Variants in BRAF observed in about 807,000 individuals in gnomAD.
BRAF encodes the protein serine/threonine-protein kinase B-raf.
BRAF carries 16 observed loss-of-function variants against 104.6 expected under a neutral mutation model. The observed-to-expected ratio is 0.15, with a 90% CI of 0.10 to 0.23. The LOEUF is 0.23. BRAF is among the 10% of genes least tolerant of loss of function. The pLI is 1.00. For missense variants in BRAF, 541 were observed against 937.3 expected (o/e 0.58, Z 5.52); for synonymous variants, 310 against 341.6 (o/e 0.91, Z 1.02).
At chr7:140,758,240 A>C (rs1798365090) in intron 14 of BRAF, 2 of 152,190 alleles carry the variant, frequency 1.3e-5, no homozygotes, top group Admixed American at 1.3e-4. Flanking sequence ...TGACAGTGCC[A>C]AATTACAGCC....
At chr7:140,831,196 A>T (rs1179699711) in intron 3 of BRAF, among the ~76,000 whole-genome samples, 1 of 152,176 alleles carries the variant, frequency 6.6e-6, no homozygotes, top group Non-Finnish European at 1.5e-5. Context: ...AGAACTGGAG[A>T]TTGCTTGGTG....
At chr7:140,764,602 T>G (rs576119496) in intron 14 of BRAF, among the ~76,000 whole-genome samples, 1 of 152,296 alleles carries the variant, frequency 6.6e-6, no homozygotes, top group Admixed American at 6.5e-5. Flanking sequence ...CAGCAAAGTC[T>G]TGGGATACAA....
chr7:140,906,045 G>A (rs1426743482), intron 1 of BRAF, among the ~76,000 whole-genome samples: 4 of 118,154 alleles, frequency 3.4e-5, no homozygotes, highest in East Asian at 2.5e-4. Context: ...CCGAGATCCC[G>A]CCACTGCACT....
At chr7:140,728,549 TAA>T (rs1353955744) in intron 19 of BRAF, among the ~76,000 whole-genome samples, 11 of 140,654 alleles carry the variant, frequency 7.8e-5, no homozygotes, top group African/African-American at 7.8e-5. Flanking sequence ...AGCACTGATT[TAA>T]AAAAAAAAAA....
chr7:140,716,066 A>G (rs906126419), downstream of BRAF, among the ~76,000 whole-genome samples: 6 of 152,262 alleles, frequency 3.9e-5, no homozygotes, highest in Admixed American at 1.3e-4. Flanking sequence ...GTGTACACAT[A>G]TATCAAACCA....
chr7:140,800,311 AAGAAAGC>A, intron 7 of BRAF, 44 bp downstream of exon 7: 1 of 1,613,160 alleles, frequency 6.2e-7, no homozygotes, highest in Non-Finnish European at 8.5e-7. Context: ...GGAGATCCAA[AAGAAAGC>A]GGTTCAAGTA....
At chr7:140,886,911 G>T (rs1324174892) in intron 1 of BRAF, among the ~76,000 whole-genome samples, 1 of 152,036 alleles carries the variant, frequency 6.6e-6, no homozygotes, top group Non-Finnish European at 1.5e-5. Flanking sequence ...TATACTTTAG[G>T]ATGTTTAATC....
rs144025406 is a variant in BRAF at position 140,897,452 on chromosome 7, A to T, written c.138+27114T>A. 7.6e-3 allele frequency among the ~76,000 whole-genome samples: 1,131 copies of T among 148,128 alleles called. 23 individuals are homozygous for T. The highest frequency in any genetic ancestry group is 0.026 in the African/African-American group (1,078 of 41,114). On this transcript the variant is annotated intron_variant, in intron 1 of 19. Transcript: ENST00000644969. The stretch of plus-strand genomic sequence containing the variant: ...TTCAATTTATCAGAAGACAATATAG[A>T]GAATATGCTTTTAACTCTGGATAGG...
At chr7:140,808,350 CCAAA>C in intron 4 of BRAF, 3 of 205,712 alleles carry the variant, frequency 1.5e-5, no homozygotes, top group South Asian at 4.4e-5. Context: ...TTCCTGGGGT[CCAAA>C]AAAAAAAAAA....
Position 140,837,924 on chromosome 7 carries a change from G to A in BRAF, c.241-3052C>T, listed in dbSNP as rs540118461. Among the ~76,000 whole-genome samples the A allele has an allele frequency of 7.9e-5, 12 of 152,192 alleles. No homozygotes were observed. The South Asian group carries it at 2.3e-3, about 29-fold the overall frequency. On this transcript the variant is annotated intron_variant, in intron 2 of 19. Transcript: ENST00000644969. ...ATTCTTCTTCTACTCTCACTTCAGT[G>A]CTAATATTGGGTGTTTAGGGCCTTA...
intron 1 of BRAF, among the ~76,000 whole-genome samples, chr7:140,858,776 TAAC>T (rs1199430319): frequency 6.6e-6 from 1 of 152,102 alleles, no homozygotes; most frequent in African/African-American, 2.4e-5. Flanking sequence ...AGTAAAATGT[TAAC>T]AATCATTGAA....
chr7:140,725,771 T>G lies in BRAF; in HGVS notation c.*723A>C. 9.4e-7 allele frequency: 1 copy of G among 1,061,122 alleles called. No individual in the cohort carries two copies. Among genetic ancestry groups the G allele is most frequent in the Non-Finnish European group, 1.1e-6 (1 of 877,016 alleles). 65.7% of individuals were successfully genotyped at this position (1,061,122 alleles called of 1,614,324 possible). A position where few individuals can be genotyped will look rare whatever the true frequency, so the allele number is the denominator to read the frequency against. ...GAAAGAAGGCAATGTGTGCCAGCAC[T>G]ATCTAGCCTGCTTGGTTAGACAGAC... On this transcript the variant is annotated 3_prime_UTR_variant, in exon 20 of 20. Transcript: ENST00000644969.
At chr7:140,808,155 G>A (rs1480423841) in intron 4 of BRAF, 93 bp from the exon 5 acceptor site, 20 of 951,808 alleles carry the variant, frequency 2.1e-5, no homozygotes, top group Non-Finnish European at 3.2e-5. Context: ...TTATCGAGGG[G>A]CTAGTAACAG....
intron 1 of BRAF, among the ~76,000 whole-genome samples, chr7:140,861,700 T>C (rs2129083922): frequency 6.6e-6 from 1 of 152,340 alleles, no homozygotes; most frequent in East Asian, 1.9e-4. Flanking sequence ...GAGAAAAGTA[T>C]CAAAGTAAGA....
Position 140,924,816 on chromosome 7 carries a change from G to A in BRAF, c.-113C>T. ...GCGGAGGCGGAGGAGCGGGGGGCGCGGGGGGCGCGGGGAGGAGCGGCCCGG... is the reference window on the plus strand; with the variant it reads ...GCGGAGGCGGAGGAGCGGGGGGCGCAGGGGGCGCGGGGAGGAGCGGCCCGG... On this transcript the variant is annotated 5_prime_UTR_variant, in exon 1 of 20. Coordinates refer to ENST00000644969, the MANE Select transcript of BRAF (RefSeq NM_001374258.1). The surrounding 1 kb of genome is among the most constrained non-coding windows in gnomAD (Gnocchi z 4.2). 2 of 397,406 alleles carry A rather than the reference G, an allele frequency of 5.0e-6. No individual in the cohort carries two copies. Among genetic ancestry groups the A allele is most frequent in the South Asian group, 5.6e-5 (1 of 18,008 alleles). The allele number at this position is 397,406 out of a possible 1,614,324, so 24.6% of individuals were successfully genotyped here.
At chr7:140,803,797 T>C (rs1479035716) in intron 5 of BRAF, among the ~76,000 whole-genome samples, 3 of 152,162 alleles carry the variant, frequency 2.0e-5, no homozygotes, top group Admixed American at 2.0e-4. Context: ...GTGTATATAA[T>C]AATAAGAAAA....
In BRAF at chr7:140,785,692, TG is replaced by T; in HGVS notation, c.1293del (p.Phe431LeufsTer20). Reference protein sequence around the residue: ...IVFDFEPGPVFRGSTTGLSAT... With the variant: ...IVFDFEPGPVXRGSTTGLSAT... ...CAAGAAAGAAGAGCCCAACTACCTC[TG>T]AACACTGGGCCAGGCTCAAAATCAA... On this transcript the variant is annotated frameshift_variant, in exon 10 of 20. Coordinates refer to ENST00000644969, the MANE Select transcript of BRAF (RefSeq NM_001374258.1). LOFTEE classifies it high-confidence loss of function. 1 of 399,102 alleles carries T rather than the reference TG, an allele frequency of 2.5e-6. No homozygotes were observed. Among genetic ancestry groups the T allele is most frequent in the Non-Finnish European group, 4.4e-6 (1 of 226,094 alleles). 24.7% of individuals were successfully genotyped at this position (399,102 alleles called of 1,614,324 possible).
chr7:140,902,982 T>C (rs961283666), intron 1 of BRAF, among the ~76,000 whole-genome samples: 1 of 146,782 alleles, frequency 6.8e-6, no homozygotes, highest in African/African-American at 2.6e-5. Flanking sequence ...TGGAGTACAA[T>C]GGCATGATCT....
intron 2 of BRAF, among the ~76,000 whole-genome samples, chr7:140,838,439 C>A (rs1029307709): frequency 6.6e-6 from 1 of 152,068 alleles, no homozygotes; most frequent in South Asian, 2.1e-4. Flanking sequence ...GTTGAGATCA[C>A]GCCACTGCAC....
Sources: allele counts gnomAD v4.1 joint callset (sites outside exome capture counted in the v4.1 genomes callset), GRCh38; gene constraint gnomAD v4.1.1; non-coding constraint Gnocchi (gnomAD v3.1); transcripts MANE v1.5; gene names NCBI Gene and HGNC (gene_info 2026-07-23, HGNC 2026-07-21).